Variants in RANBP3L observed in about 807,000 individuals in gnomAD.
RANBP3L encodes RAN binding protein 3 like, also known as ran-binding protein 3-like.
Under a neutral mutation model 67.2 loss-of-function variants are expected in RANBP3L, and 56 were observed. The observed-to-expected ratio is 0.83, with a 90% CI of 0.67 to 1.04. The LOEUF is 1.04. RANBP3L is among the 50% of genes least tolerant of loss of function. The probability of loss-of-function intolerance (pLI) is 0.00; values close to 1 mark genes in which losing one functional copy is unlikely to be tolerated. For missense variants in RANBP3L, 496 were observed against 535.5 expected (o/e 0.93, Z 0.73); for synonymous variants, 164 against 181.4 (o/e 0.90, Z 0.77).
chr5:36,247,195 C>G lies in RANBP3L; in HGVS notation c.*2459G>C, dbSNP rs1748345956. Reference sequence around the variant, plus strand: ...CTGAAAAGAAGGCTAGATGAAGATACAGGACAAGGAAAAACTATAAAATGT... The same window carrying G: ...CTGAAAAGAAGGCTAGATGAAGATAGAGGACAAGGAAAAACTATAAAATGT... On this transcript the variant is annotated 3_prime_UTR_variant, in exon 14 of 14. Coordinates refer to ENST00000296604, the MANE Select transcript of RANBP3L (RefSeq NM_145000.5). Among the ~76,000 whole-genome samples, 1 of 152,104 alleles carries G rather than the reference C, an allele frequency of 6.6e-6. No homozygotes were observed. Among genetic ancestry groups the G allele is most frequent in the Non-Finnish European group, 1.5e-5 (1 of 68,010 alleles).
In RANBP3L at chr5:36,248,311, A is replaced by T. The variant is rs532375899; in HGVS notation, c.*1343T>A. 4 of 152,308 alleles carry T rather than the reference A, an allele frequency of 2.6e-5. No homozygotes were observed. Among genetic ancestry groups the T allele is most frequent in the African/African-American group, 9.6e-5 (4 of 41,570 alleles). The allele number at this position is 152,308 out of a possible 1,614,324, so 9.4% of individuals were successfully genotyped here. ...GAAGAATGAATGGGCCTCTCTTAGT[A>T]GTTATATTAAGTTATGCTTTCTCAG... On this transcript the variant is annotated 3_prime_UTR_variant, in exon 14 of 14. Transcript: ENST00000296604.
intron 1 of RANBP3L, among the ~76,000 whole-genome samples, chr5:36,295,889 A>G (rs1425877680): frequency 6.6e-6 from 1 of 152,044 alleles, no homozygotes; most frequent in Non-Finnish European, 1.5e-5. Flanking sequence ...GAAATTTCAA[A>G]CCCACCCCAT....
Position 36,257,566 on chromosome 5 carries a change from GA to G in RANBP3L, c.670-11del. Reference sequence around the variant, plus strand: ...TGAGTTTTTGAGTACCCTGAGAGCGGAAAAAGATGCATTATTTTATTTAATA... The same window carrying G: ...TGAGTTTTTGAGTACCCTGAGAGCGGAAAAGATGCATTATTTTATTTAATA... On this transcript the variant is annotated splice_polypyrimidine_tract_variant and intron_variant, in intron 8 of 13. Transcript: ENST00000296604. The G allele has an allele frequency of 5.0e-6, 6 of 1,195,552 alleles. No individual in the cohort carries two copies. Among genetic ancestry groups the G allele is most frequent in the Admixed American group, 3.9e-5 (2 of 51,044 alleles). 74.1% of individuals were successfully genotyped at this position (1,195,552 alleles called of 1,614,324 possible). A position where few individuals can be genotyped will look rare whatever the true frequency, so the allele number is the denominator to read the frequency against.
rs1453500646 is a variant in RANBP3L at position 36,265,024 on chromosome 5, C to A, written c.415G>T (p.Val139Leu). The A allele has an allele frequency of 5.6e-6, 9 of 1,613,836 alleles. No homozygotes were observed. The highest frequency in any genetic ancestry group is 7.6e-6 in the Non-Finnish European group (9 of 1,179,826). Reference protein sequence around the residue: ...QLPQARSCAKVRKTFGHKALE... With the variant: ...QLPQARSCAKLRKTFGHKALE... The stretch of plus-strand genomic sequence containing the variant: ...GCCTTGTGTCCAAATGTTTTTCTTA[C>A]TTTTGCACAACTTCGAGCTTGAGGT... The change falls in exon 6 of 14, where the codon GTA (valine) becomes TTA (leucine). Residue 139 changes from valine (V) to leucine (L), a missense_variant. Transcript: ENST00000296604.
chr5:36,295,076 A>G (rs1297133237), intron 1 of RANBP3L, among the ~76,000 whole-genome samples: 1 of 151,904 alleles, frequency 6.6e-6, no homozygotes, highest in Non-Finnish European at 1.5e-5. Flanking sequence ...GAATAATACT[A>G]CCATGAGCAT....
At chr5:36,262,111 A>G in intron 6 of RANBP3L, 69 bp from the exon 7 acceptor site, 4 of 766,858 alleles carry the variant, frequency 5.2e-6, no homozygotes, top group Non-Finnish European at 9.0e-6. Context: ...AGACAAGGAA[A>G]CAATAGTTAT....
chr5:36,290,573 G>T (rs1372329059), intron 1 of RANBP3L, among the ~76,000 whole-genome samples: 1 of 151,846 alleles, frequency 6.6e-6, no homozygotes, highest in Admixed American at 6.6e-5. Context: ...TTAATATTTT[G>T]AAAGAAGTAG....
At chr5:36,298,173 G>A (rs1422164141) in intron 1 of RANBP3L, among the ~76,000 whole-genome samples, 1 of 151,846 alleles carries the variant, frequency 6.6e-6, no homozygotes, top group East Asian at 1.9e-4. Flanking sequence ...GGTGGAGTGT[G>A]CCTGTAGTCC....
In RANBP3L at chr5:36,265,032, C is replaced by T; in HGVS notation, c.407G>A (p.Cys136Tyr). The T allele has an allele frequency of 6.2e-7, 1 of 1,613,674 alleles. No individual in the cohort carries two copies. The highest frequency in any genetic ancestry group is 8.5e-7 in the Non-Finnish European group (1 of 1,179,640). ...TCCAAATGTTTTTCTTACTTTTGCA[C>T]AACTTCGAGCTTGAGGTAGCTGCAA... is the stretch of plus-strand genomic sequence containing the variant. ...AILQLPQARSCAKVRKTFGHK... is the reference protein window; with the variant it reads ...AILQLPQARSYAKVRKTFGHK... The change falls in exon 6 of 14, where the codon TGT (cysteine) becomes TAT (tyrosine). Residue 136 changes from cysteine to tyrosine, a missense_variant. Transcript: ENST00000296604.
At position 36,249,542 on chromosome 5, in the gene RANBP3L, T is replaced by C. The variant is rs763012833; in HGVS notation, c.*112A>G. ...ACAAATTACATTTCTTAAACTTTTC[T>C]ATAAAAACTCTTCAAGGAATGAATA... On this transcript the variant is annotated 3_prime_UTR_variant, in exon 14 of 14. Transcript: ENST00000296604. The C allele has an allele frequency of 3.9e-6, 2 of 507,232 alleles. No homozygotes were observed. Among genetic ancestry groups the C allele is most frequent in the African/African-American group, 2.0e-5 (1 of 50,610 alleles). 31.4% of individuals were successfully genotyped at this position (507,232 alleles called of 1,614,324 possible).
intron 1 of RANBP3L, among the ~76,000 whole-genome samples, chr5:36,300,736 A>G (rs1752553718): frequency 6.6e-6 from 1 of 152,132 alleles, no homozygotes; most frequent in African/African-American, 2.4e-5. Flanking sequence ...TGGAGAGTGG[A>G]TTTGAAAATT....
At chr5:36,274,589 A>G (rs933612685) in intron 1 of RANBP3L, among the ~76,000 whole-genome samples, 5 of 152,232 alleles carry the variant, frequency 3.3e-5, no homozygotes, top group Admixed American at 2.6e-4. Flanking sequence ...GACAAGGGTT[A>G]CAAAACAGGG....
In RANBP3L at chr5:36,257,597, T is replaced by C. The variant is rs750692258; in HGVS notation, c.670-41A>G. 3 of 934,060 alleles carry C rather than the reference T, an allele frequency of 3.2e-6. No individual in the cohort carries two copies. The South Asian group carries it at 5.0e-5, about 16-fold the overall frequency. The allele number at this position is 934,060 out of a possible 1,614,324, so 57.9% of individuals were successfully genotyped here. A position where few individuals can be genotyped will look rare whatever the true frequency, so the allele number is the denominator to read the frequency against. On this transcript the variant is annotated intron_variant, in intron 8 of 13. Coordinates refer to ENST00000296604, the MANE Select transcript of RANBP3L (RefSeq NM_145000.5). ...GATGCATTATTTTATTTAATAAAAG[T>C]TTTAATTTTATCCCTACTATGTTTG...
At chr5:36,272,077 T>G (rs1750255979) in intron 1 of RANBP3L, among the ~76,000 whole-genome samples, 1 of 152,136 alleles carries the variant, frequency 6.6e-6, no homozygotes, top group African/African-American at 2.4e-5. Context: ...CATCACTAAT[T>G]GACTAACTAC....
intron 1 of RANBP3L, among the ~76,000 whole-genome samples, chr5:36,273,240 C>T (rs1750348048): frequency 6.6e-6 from 1 of 152,188 alleles, no homozygotes; most frequent in South Asian, 2.1e-4. Flanking sequence ...CCCTAAACAG[C>T]ATGGCTTGAT....
In RANBP3L at chr5:36,251,827, T is replaced by G. The variant is rs531143022; in HGVS notation, c.1168-328A>C. Among the ~76,000 whole-genome samples, 3 of 152,212 alleles carry G rather than the reference T, an allele frequency of 2.0e-5. No homozygotes were observed. In the South Asian group the frequency reaches 6.2e-4, roughly 32 times the overall value. ...CACTATTTTACACTATAGAAAATTG[T>G]AGGATTGCAGAGAATAAAGACTTCC... On this transcript the variant is annotated intron_variant, in intron 12 of 13. Coordinates refer to ENST00000296604, the MANE Select transcript of RANBP3L (RefSeq NM_145000.5).
intron 6 of RANBP3L, among the ~76,000 whole-genome samples, chr5:36,264,234 A>G (rs913476300): frequency 5.3e-5 from 8 of 152,210 alleles, no homozygotes; most frequent in African/African-American, 1.9e-4. Context: ...TATGTGACCA[A>G]TCCTCAGTAG....
At chr5:36,262,212 G>A (rs192434890) in intron 6 of RANBP3L, among the ~76,000 whole-genome samples, 170 bp from the exon 7 acceptor site, 2 of 152,134 alleles carry the variant, frequency 1.3e-5, no homozygotes, top group Admixed American at 1.3e-4. Context: ...CTAACACTTT[G>A]TAATTCTATT....
chr5:36,271,130 C>T, intron 2 of RANBP3L, 123 bp downstream of exon 2: 2 of 665,040 alleles, frequency 3.0e-6, no homozygotes, highest in Non-Finnish European at 5.4e-6. Context: ...TCTGGAGGCA[C>T]TACTCTGCTA....
Sources: gnomAD v4.1 joint callset for allele counts (sites outside exome capture counted in the v4.1 genomes callset) on GRCh38, gnomAD v4.1.1 for gene constraint, MANE v1.5 for transcripts, NCBI Gene and HGNC (gene_info 2026-07-23, HGNC 2026-07-21) for gene names.